The following BACH2 variants were observed in gnomAD, a reference collection of about 807,000 sequenced individuals.
BACH2 encodes the protein transcription regulator protein BACH2.
A neutral mutation model predicts 61.8 loss-of-function variants in BACH2; 5 were observed. The observed-to-expected ratio is 0.08, with a 90% CI of 0.04 to 0.17. BACH2 has a LOEUF of 0.17. Ranked by LOEUF, BACH2 falls within the 10% of genes least tolerant of loss-of-function variation. BACH2 has a pLI of 1.00. For synonymous variants in BACH2, 446 were observed against 440.1 expected (o/e 1.01, Z -0.17); for missense variants, 824 against 1,091.1 (o/e 0.76, Z 3.45).
At chr6:90,251,975 G>A (rs1428208408) in intron 3 of BACH2, among the ~76,000 whole-genome samples, 1 of 152,172 alleles carries the variant, frequency 6.6e-6, no homozygotes. Context: ...AAGGAAAGGA[G>A]AAGGAAGGAA....
At chr6:90,134,873 T>C (rs1438525336) in intron 4 of BACH2, among the ~76,000 whole-genome samples, 1 of 152,042 alleles carries the variant, frequency 6.6e-6, no homozygotes, top group Non-Finnish European at 1.5e-5. Context: ...CTTAGGAGGG[T>C]CATGCCTCCC....
At position 89,932,548 on chromosome 6, in the gene BACH2, G is replaced by T. The variant is rs371078442; in HGVS notation, c.2386C>A (p.Leu796Ile). The T allele has an allele frequency of 6.2e-7, 1 of 1,613,962 alleles. No homozygotes were observed. The highest frequency in any genetic ancestry group is 8.5e-7 in the Non-Finnish European group (1 of 1,180,024). The change falls in exon 9 of 9, where the codon CTA (leucine) becomes ATA (isoleucine). Residue 796 changes from leucine to isoleucine, a missense_variant. Leu to Ile is a conservative substitution (Grantham distance 5). This residue lies in a region of BACH2 where 135 missense variants were observed against 142.7 expected (regional missense o/e 0.95). Coordinates refer to ENST00000257749, the MANE Select transcript of BACH2 (RefSeq NM_021813.4). The stretch of plus-strand genomic sequence containing the variant: ...AAGGTTCCCGGGTCAGTGCCTTCTA[G>T]TCTCCTCCCAGAGGTACAATTCTCG... ...TSENCTSGRRLEGTDPGTFSE... is the reference protein window; with the variant it reads ...TSENCTSGRRIEGTDPGTFSE...
rs1185984097 is a variant in BACH2, at chr6:89,932,750, C to T, written c.2184G>A (p.Arg728=). 10 of 1,614,158 alleles carry T rather than the reference C, an allele frequency of 6.2e-6. No homozygotes were observed. The highest frequency in any genetic ancestry group is 8.5e-6 in the Non-Finnish European group (10 of 1,180,014). Residue 728 remains arginine, a synonymous_variant, in exon 9 of 9, where the codon CGG becomes CGA. Transcript: ENST00000257749. ...CCATGGGTCTGAGGACAGGGCAATA[C>T]CGATGCAGGGCCTGGATCTGCTCGG... is the stretch of plus-strand genomic sequence containing the variant. ...QSPEQIQALH[R]YCPVLRPMDL... is the part of the protein sequence containing the mutation.
intron 2 of BACH2, among the ~76,000 whole-genome samples, chr6:90,256,813 T>C (rs1345604333): frequency 2.6e-5 from 4 of 152,188 alleles, no homozygotes; most frequent in Non-Finnish European, 4.4e-5. Context: ...ATAGTCTTCA[T>C]ACTGCACATT....
intron 7 of BACH2, among the ~76,000 whole-genome samples, chr6:89,940,963 G>A (rs1773393707): frequency 6.6e-6 from 1 of 151,796 alleles, no homozygotes; most frequent in Non-Finnish European, 1.5e-5. Context: ...CGTGCAGCAT[G>A]AGGCAAATGG....
Position 90,050,385 on chromosome 6 carries a change from CGAA to C in BACH2, c.-13+38573_-13+38575del, listed in dbSNP as rs909582088. 9.2e-5 allele frequency among the ~76,000 whole-genome samples: 14 copies of C among 152,158 alleles called. No individual in the cohort carries two copies. In the South Asian group the frequency reaches 2.5e-3, roughly 27 times the overall value. The stretch of plus-strand genomic sequence containing the variant: ...CACTTGTCAAATTTTAACGTAATAT[CGAA>C]GAAGAACACCCACAATATTTGAAAA... On this transcript the variant is annotated intron_variant, in intron 5 of 8. Coordinates refer to ENST00000257749, the MANE Select transcript of BACH2 (RefSeq NM_021813.4).
chr6:90,109,479 T>C (rs1462563147), intron 4 of BACH2, among the ~76,000 whole-genome samples: 3 of 152,124 alleles, frequency 2.0e-5, no homozygotes, highest in African/African-American at 4.8e-5. Context: ...CCTCTAACTA[T>C]ACTCACTCCC....
intron 8 of BACH2, among the ~76,000 whole-genome samples, chr6:89,933,512 C>A (rs1339537130): frequency 6.6e-6 from 1 of 151,950 alleles, no homozygotes; most frequent in East Asian, 1.9e-4. Context: ...AGAGTGAACT[C>A]TAATGCAAAC....
chr6:90,159,995 T>C (rs1447030813), intron 4 of BACH2, among the ~76,000 whole-genome samples: 2 of 152,246 alleles, frequency 1.3e-5, no homozygotes, highest in Non-Finnish European at 2.9e-5. Context: ...TGTATGCTCT[T>C]GACATCTGCT....
At chr6:89,959,817 G>A (rs1047416939) in intron 6 of BACH2, among the ~76,000 whole-genome samples, 3 of 152,126 alleles carry the variant, frequency 2.0e-5, no homozygotes, top group Non-Finnish European at 2.9e-5. Flanking sequence ...GCTGAGGCTG[G>A]GAGTTCAAAA....
intron 2 of BACH2, among the ~76,000 whole-genome samples, chr6:90,257,845 G>A (rs867226888): frequency 1.3e-5 from 2 of 152,050 alleles, no homozygotes; most frequent in Non-Finnish European, 2.9e-5. Flanking sequence ...GCGCCATCTC[G>A]GCTCACTACA....
chr6:90,030,824 A>G (rs1778936997), intron 5 of BACH2, among the ~76,000 whole-genome samples: 1 of 152,040 alleles, frequency 6.6e-6, no homozygotes, highest in Non-Finnish European at 1.5e-5. Flanking sequence ...AATCAATAGA[A>G]AAAGAGGGAA....
chr6:89,947,712 C>CGTG (rs1773821446), intron 7 of BACH2, among the ~76,000 whole-genome samples: 1 of 151,828 alleles, frequency 6.6e-6, no homozygotes, highest in Non-Finnish European at 1.5e-5. Flanking sequence ...ACTACAGGCG[C>CGTG]CCACCACGAC....
intron 6 of BACH2, among the ~76,000 whole-genome samples, chr6:89,953,615 T>A (rs1418686277): frequency 6.6e-6 from 1 of 152,234 alleles, no homozygotes; most frequent in Non-Finnish European, 1.5e-5. Flanking sequence ...GGAATGGTTT[T>A]GTCTGTCTTT....
intron 6 of BACH2, among the ~76,000 whole-genome samples, chr6:90,007,721 T>G (rs1445873284): frequency 6.6e-6 from 1 of 152,210 alleles, no homozygotes; most frequent in Non-Finnish European, 1.5e-5. Context: ...CTAGGGAATC[T>G]ATTTGCAAAA....
chr6:89,975,880 G>C (rs1775622760), intron 6 of BACH2, among the ~76,000 whole-genome samples: 1 of 152,114 alleles, frequency 6.6e-6, no homozygotes, highest in Admixed American at 6.5e-5. Flanking sequence ...TTCTTCACTT[G>C]GACTGCTTTC....
chr6:90,013,733 C>A (rs1368328658), intron 5 of BACH2, among the ~76,000 whole-genome samples: 2 of 152,040 alleles, frequency 1.3e-5, no homozygotes, highest in Admixed American at 6.5e-5. Context: ...TGGTCTTGAT[C>A]TCCTGACTTT....
intron 3 of BACH2, among the ~76,000 whole-genome samples, chr6:90,210,312 A>AACACACAC (rs3072671): frequency 1.4e-4 from 20 of 147,250 alleles, no homozygotes; most frequent in African/African-American, 4.3e-4. Flanking sequence ...ACCCCAAAAC[A>AACACACAC]ACACACACAC....
At chr6:89,973,810 C>T (rs1278960767) in intron 6 of BACH2, among the ~76,000 whole-genome samples, 1 of 151,888 alleles carries the variant, frequency 6.6e-6, no homozygotes, top group Non-Finnish European at 1.5e-5. Context: ...TAAAGTGATG[C>T]AGGCATTAAT....
Sources: gnomAD v4.1 joint callset for allele counts (sites outside exome capture counted in the v4.1 genomes callset) on GRCh38, gnomAD v4.1.1 for gene constraint, gnomAD v4.1.1 regional missense constraint, MANE v1.5 for transcripts, NCBI Gene and HGNC (gene_info 2026-07-23, HGNC 2026-07-21) for gene names.